The following EVL variants were observed in gnomAD, a reference collection of about 807,000 sequenced individuals.
EVL encodes the protein ena/VASP-like protein.
In EVL, 21 loss-of-function variants were observed where a neutral mutation model predicts 59.6. The ratio of observed to expected loss-of-function variants is 0.35; its 90% CI spans 0.25 to 0.51. EVL has a LOEUF of 0.51. Among genes scored for constraint, EVL ranks in the 20% least tolerant of loss-of-function variants. The probability of loss-of-function intolerance (pLI) is 0.97; values close to 1 mark genes in which losing one functional copy is unlikely to be tolerated. For synonymous variants in EVL, 198 were observed against 203.5 expected (o/e 0.97, Z 0.23); for missense variants, 462 against 546.6 (o/e 0.85, Z 1.54).
chr14:100,095,585 T>A (rs1189125923), intron 2 of EVL, among the ~76,000 whole-genome samples: 1 of 152,218 alleles, frequency 6.6e-6, no homozygotes, highest in Non-Finnish European at 1.5e-5. Flanking sequence ...TTGGTTTAGC[T>A]GTGTGTGCAT....
intron 1 of EVL, among the ~76,000 whole-genome samples, chr14:100,058,442 C>T (rs1023807085): frequency 6.6e-6 from 1 of 152,204 alleles, no homozygotes; most frequent in African/African-American, 2.4e-5. Context: ...ACTGTACCTA[C>T]TACCTAAGCA....
intron 1 of EVL, among the ~76,000 whole-genome samples, chr14:99,989,686 C>A (rs969095428): frequency 6.6e-6 from 1 of 152,202 alleles, no homozygotes; most frequent in African/African-American, 2.4e-5. Context: ...TGGTGGCTAT[C>A]ATATTGGACA....
chr14:100,129,454 G>T, intron 6 of EVL, 109 bp from the exon 7 acceptor site: 1 of 1,511,176 alleles, frequency 6.6e-7, no homozygotes, highest in Non-Finnish European at 9.0e-7. Context: ...TTGCAGTGCT[G>T]CTGCCATAGG....
At chr14:100,129,739 C>T (rs994800058) in intron 7 of EVL, 55 bp downstream of exon 7, 10 of 1,476,102 alleles carry the variant, frequency 6.8e-6, no homozygotes, top group East Asian at 2.5e-5. Flanking sequence ...CTCCTGCCCC[C>T]GCCCCCAGCG....
intron 1 of EVL, among the ~76,000 whole-genome samples, chr14:100,056,673 A>T (rs910730474): frequency 6.6e-6 from 1 of 152,112 alleles, no homozygotes; most frequent in African/African-American, 2.4e-5. Flanking sequence ...GCTGCGGATG[A>T]GTTTAACCAG....
At chr14:100,103,754 C>CAG (rs1886381183) in intron 3 of EVL, among the ~76,000 whole-genome samples, 1 of 152,194 alleles carries the variant, frequency 6.6e-6, no homozygotes, top group Non-Finnish European at 1.5e-5. Context: ...AGAGACACAG[C>CAG]AGCTGACCTG....
chr14:100,060,106 GA>G (rs1380920039), intron 1 of EVL, among the ~76,000 whole-genome samples: 2 of 152,312 alleles, frequency 1.3e-5, no homozygotes, highest in East Asian at 3.9e-4. Context: ...GAACAAACAG[GA>G]AATCCCAAAG....
At chr14:100,028,134 GTTT>G (rs137903594) in intron 1 of EVL, among the ~76,000 whole-genome samples, 4 of 118,738 alleles carry the variant, frequency 3.4e-5, no homozygotes, top group East Asian at 3.9e-4. Context: ...TTGTTTGTTT[GTTT>G]TTTTTTTTTT....
chr14:100,120,124 A>G (rs561938339), intron 3 of EVL, among the ~76,000 whole-genome samples: 1 of 152,332 alleles, frequency 6.6e-6, no homozygotes, highest in Non-Finnish European at 1.5e-5. Flanking sequence ...TGGTGCTGGC[A>G]GGGCATCGTT....
At chr14:100,126,209 T>C (rs1390917985) in intron 4 of EVL, among the ~76,000 whole-genome samples, 1 of 152,218 alleles carries the variant, frequency 6.6e-6, no homozygotes, top group African/African-American at 2.4e-5. Context: ...GTGCACCAAA[T>C]GGCCCTCTAG....
In EVL at chr14:100,143,946, A is replaced by C. The variant is rs1174566006; in HGVS notation, c.*208A>C. 1 of 570,626 alleles carries C rather than the reference A, an allele frequency of 1.8e-6. No homozygotes were observed. Among genetic ancestry groups the C allele is most frequent in the African/African-American group, 1.9e-5 (1 of 52,804 alleles). 35.3% of individuals were successfully genotyped at this position (570,626 alleles called of 1,614,324 possible). ...TTTTAGATTCTGCCTGACACGGAAC[A>C]CCAGGTCTGCTCGTCTTTTTTGTGT... On this transcript the variant is annotated 3_prime_UTR_variant, in exon 14 of 14. Coordinates refer to ENST00000392920, the MANE Select transcript of EVL (RefSeq NM_016337.3).
At chr14:100,143,568 C>A in intron 13 of EVL, 133 bp from the exon 14 acceptor site, 2 of 1,106,802 alleles carry the variant, frequency 1.8e-6, no homozygotes, top group Non-Finnish European at 1.3e-6. Flanking sequence ...TATGCCAAAG[C>A]CTGGGTGGGG....
rs552587682 is a variant in EVL at position 100,140,982 on chromosome 14, G to A, written c.1095-198G>A. ...CTCTCGGGTTGGGAAATACAGTCACGGTATCCATGGAGACCTCTTGAGGTG... is the reference window on the plus strand; with the variant it reads ...CTCTCGGGTTGGGAAATACAGTCACAGTATCCATGGAGACCTCTTGAGGTG... On this transcript the variant is annotated intron_variant, in intron 11 of 13. Transcript: ENST00000392920. 26 of 515,650 alleles carry A rather than the reference G, an allele frequency of 5.0e-5. 1 individual carries two copies. In the South Asian group the frequency reaches 6.4e-4, roughly 13 times the overall value. The allele number at this position is 515,650 out of a possible 1,614,324, so 31.9% of individuals were successfully genotyped here.
At chr14:100,065,260 C>T (rs542437006), upstream of EVL, 2 of 253,484 alleles carry the variant, frequency 7.9e-6, no homozygotes, top group Admixed American at 5.6e-5. Flanking sequence ...CAGCCGCCCA[C>T]GCTGGTGGGG....
intron 1 of EVL, among the ~76,000 whole-genome samples, chr14:100,078,676 G>A (rs2062221602): frequency 6.6e-6 from 1 of 152,166 alleles, no homozygotes; most frequent in South Asian, 2.1e-4. Flanking sequence ...GTATCAGCTG[G>A]CGGGGTGCTT....
At chr14:100,079,393 C>T (rs2062241409) in intron 1 of EVL, among the ~76,000 whole-genome samples, 1 of 152,218 alleles carries the variant, frequency 6.6e-6, no homozygotes, top group Admixed American at 6.5e-5. Flanking sequence ...TTCATGTCTA[C>T]AGCATACAGG....
chr14:100,063,568 TAA>T (rs1362980249), upstream of EVL, among the ~76,000 whole-genome samples: 1 of 152,164 alleles, frequency 6.6e-6, no homozygotes, highest in East Asian at 1.9e-4. Context: ...GTGACAGAAT[TAA>T]AGAGGGAAAT....
intron 1 of EVL, among the ~76,000 whole-genome samples, chr14:100,008,012 C>T (rs1190996): frequency 0.16 from 23,617 of 152,158 alleles, 2,015 homozygotes; most frequent in East Asian, 0.28. Context: ...CACCCAACCT[C>T]ATTTCCCAGT....
At chr14:100,047,672 G>C (rs1242520784) in intron 1 of EVL, among the ~76,000 whole-genome samples, 1 of 152,084 alleles carries the variant, frequency 6.6e-6, no homozygotes, top group East Asian at 1.9e-4. Context: ...GTGTAGCCTG[G>C]GTTACACATT....
Sources: allele counts gnomAD v4.1 joint callset (sites outside exome capture counted in the v4.1 genomes callset), GRCh38; gene constraint gnomAD v4.1.1; transcripts MANE v1.5; gene names NCBI Gene and HGNC (gene_info 2026-07-23, HGNC 2026-07-21).